Variants in SLC30A9 observed in about 807,000 individuals in gnomAD.
SLC30A9 encodes the protein solute carrier family 30 member 9, also known as proton-coupled zinc antiporter SLC30A9, mitochondrial.
A neutral mutation model predicts 87.5 loss-of-function variants in SLC30A9; 58 were observed. The ratio of observed to expected loss-of-function variants is 0.66; its 90% CI spans 0.54 to 0.82. SLC30A9 has a LOEUF of 0.82. Among genes scored for constraint, SLC30A9 ranks in the 40% least tolerant of loss-of-function variants. The probability of loss-of-function intolerance (pLI) is 0.00; values close to 1 mark genes in which losing one functional copy is unlikely to be tolerated. For missense variants in SLC30A9, 557 were observed against 679.1 expected (o/e 0.82, Z 2.00); for synonymous variants, 234 against 233.0 (o/e 1.00, Z -0.04).
chr4:42,063,172 G>A (rs753068406), intron 11 of SLC30A9, 51 bp downstream of exon 11: 22 of 1,556,088 alleles, frequency 1.4e-5, no homozygotes, highest in Middle Eastern at 1.7e-4. Context: ...CATAGTGATT[G>A]TGTACAGTAG....
At chr4:42,076,855 G>T (rs563792344) in intron 16 of SLC30A9, among the ~76,000 whole-genome samples, 12 of 151,766 alleles carry the variant, frequency 7.9e-5, no homozygotes, top group African/African-American at 2.7e-4. Context: ...CCAGCTACTC[G>T]GCAGGCTGAG....
chr4:42,024,442 G>A (rs1453332157), intron 6 of SLC30A9, among the ~76,000 whole-genome samples: 1 of 152,116 alleles, frequency 6.6e-6, no homozygotes, highest in Non-Finnish European at 1.5e-5. Flanking sequence ...TTTAACAGTT[G>A]TATAGTACCC....
intron 7 of SLC30A9, among the ~76,000 whole-genome samples, chr4:42,035,822 T>C (rs1478953047): frequency 6.6e-6 from 1 of 152,160 alleles, no homozygotes; most frequent in African/African-American, 2.4e-5. Flanking sequence ...GTACATAAGT[T>C]TTCTTTAAAG....
intron 1 of SLC30A9, among the ~76,000 whole-genome samples, chr4:41,993,205 C>T (rs1014504720): frequency 6.7e-6 from 1 of 150,286 alleles, no homozygotes; most frequent in Non-Finnish European, 1.5e-5. Flanking sequence ...AAATTTAATA[C>T]TATTTTATTA....
At chr4:41,995,871 A>G (rs2153132156) in intron 1 of SLC30A9, among the ~76,000 whole-genome samples, 1 of 152,228 alleles carries the variant, frequency 6.6e-6, no homozygotes, top group East Asian at 1.9e-4. Context: ...CACCATGCCC[A>G]GCTAATTTTT....
intron 8 of SLC30A9, among the ~76,000 whole-genome samples, chr4:42,040,659 A>T (rs1229668242): frequency 1.3e-5 from 2 of 151,826 alleles, no homozygotes; most frequent in Non-Finnish European, 2.9e-5. Flanking sequence ...AGCTGGGCGT[A>T]GTGGTGGGCG....
At chr4:42,056,680 T>C (rs549135292) in intron 9 of SLC30A9, among the ~76,000 whole-genome samples, 92 of 151,980 alleles carry the variant, frequency 6.1e-4, no homozygotes, top group African/African-American at 2.1e-3. Flanking sequence ...TTCCCAACAG[T>C]CCCCCAAAGT....
chr4:42,068,971 A>G (rs1418782240), intron 14 of SLC30A9, among the ~76,000 whole-genome samples: 1 of 152,196 alleles, frequency 6.6e-6, no homozygotes. Flanking sequence ...GAGCTTCCAC[A>G]GTTCTGCAGT....
intron 14 of SLC30A9, among the ~76,000 whole-genome samples, chr4:42,068,122 TATTA>T (rs1199894958): frequency 6.6e-6 from 1 of 152,256 alleles, no homozygotes; most frequent in African/African-American, 2.4e-5. Context: ...ACATAGTTTT[TATTA>T]ATTTTTAAAA....
At chr4:42,012,835 G>A (rs879689980) in intron 2 of SLC30A9, among the ~76,000 whole-genome samples, 1 of 152,062 alleles carries the variant, frequency 6.6e-6, no homozygotes, top group African/African-American at 2.4e-5. Context: ...GAAGAAACCT[G>A]GAGTTACAGA....
At chr4:42,035,499 C>CTTT (rs374689755) in intron 7 of SLC30A9, among the ~76,000 whole-genome samples, 166 bp downstream of exon 7, 1 of 139,482 alleles carries the variant, frequency 7.2e-6, no homozygotes, top group Non-Finnish European at 1.6e-5. Context: ...TCTGATTTTC[C>CTTT]TTTTTTTTTT....
intron 2 of SLC30A9, among the ~76,000 whole-genome samples, chr4:42,007,983 G>A (rs539900783): frequency 6.6e-6 from 1 of 152,236 alleles, no homozygotes; most frequent in South Asian, 2.1e-4. Context: ...ATAGAACAAA[G>A]CCAAGACTGC....
At chr4:42,001,014 G>A (rs950842979) in intron 1 of SLC30A9, among the ~76,000 whole-genome samples, 1 of 152,022 alleles carries the variant, frequency 6.6e-6, no homozygotes, top group African/African-American at 2.4e-5. Context: ...CTTTCCTTCT[G>A]TATTTGAGCC....
chr4:42,065,226 G>A, intron 11 of SLC30A9, 84 bp from the exon 12 acceptor site: 1 of 763,614 alleles, frequency 1.3e-6, no homozygotes. Flanking sequence ...TCGTGTTTTT[G>A]TTTTAGACAT....
At chr4:42,019,011 A>AT (rs999242776) in intron 3 of SLC30A9, among the ~76,000 whole-genome samples, 2 of 27,100 alleles carry the variant, frequency 7.4e-5, no homozygotes, top group Non-Finnish European at 3.0e-4. Context: ...ATTTCCTTAT[A>AT]TTTTTTTTCA....
At chr4:42,079,717 C>T (rs1718687742) in intron 17 of SLC30A9, among the ~76,000 whole-genome samples, 1 of 151,990 alleles carries the variant, frequency 6.6e-6, no homozygotes, top group South Asian at 2.1e-4. Flanking sequence ...AAGGGATTCT[C>T]CTGCCTCAGC....
chr4:42,075,468 A>G (rs1718513157), intron 15 of SLC30A9, among the ~76,000 whole-genome samples, 189 bp from the exon 16 acceptor site: 1 of 151,812 alleles, frequency 6.6e-6, no homozygotes, highest in African/African-American at 2.4e-5. Flanking sequence ...TATCATGCCA[A>G]AAAAAAAGCT....
intron 8 of SLC30A9, among the ~76,000 whole-genome samples, chr4:42,043,850 A>G (rs936856860): frequency 1.1e-4 from 17 of 152,248 alleles, no homozygotes; most frequent in African/African-American, 4.1e-4. Context: ...AGGGAAGCCC[A>G]CCAGACTAAC....
intron 7 of SLC30A9, among the ~76,000 whole-genome samples, chr4:42,035,590 C>T (rs185896905): frequency 2.0e-5 from 3 of 151,690 alleles, no homozygotes; most frequent in African/African-American, 4.8e-5. Flanking sequence ...CTCCGCCTCC[C>T]GGGTTTGAGC....
Sources: allele counts gnomAD v4.1 joint callset (sites outside exome capture counted in the v4.1 genomes callset), GRCh38; gene constraint gnomAD v4.1.1; transcripts MANE v1.5; gene names NCBI Gene and HGNC (gene_info 2026-07-23, HGNC 2026-07-21).